Variants in BRWD1 observed in about 807,000 individuals in gnomAD.
BRWD1 encodes the protein bromodomain and WD repeat domain containing 1.
In BRWD1, 82 loss-of-function variants were observed where a neutral mutation model predicts 251.2. The observed-to-expected ratio is 0.33, with a 90% CI of 0.27 to 0.39. The LOEUF (loss-of-function observed/expected upper bound fraction) is 0.39. BRWD1 is among the 10% of genes least tolerant of loss of function. BRWD1 has a pLI of 1.00. For missense variants in BRWD1, 2,233 were observed against 2,711.6 expected (o/e 0.82, Z 3.92); for synonymous variants, 918 against 902.8 (o/e 1.02, Z -0.30).
chr21:39,319,608 G>C (rs2036729464), intron 1 of BRWD1, among the ~76,000 whole-genome samples: 1 of 152,164 alleles, frequency 6.6e-6, no homozygotes, highest in Non-Finnish European at 1.5e-5. Flanking sequence ...TTGTATGCTG[G>C]ACACTGTCCT....
At chr21:39,251,017 G>C (rs780484399) in intron 19 of BRWD1, 128 bp from the exon 20 acceptor site, 2 of 599,604 alleles carry the variant, frequency 3.3e-6, no homozygotes, top group Non-Finnish European at 5.6e-6. Flanking sequence ...CAAAATCTCT[G>C]AAGTTAAAAC....
chr21:39,194,848 A>C lies in BRWD1; in HGVS notation c.*1411T>G. The C allele has an allele frequency of 6.5e-7, 1 of 1,533,644 alleles. No homozygotes were observed. ...ATCTGCCACTTCAAAGATACACAGG[A>C]GAAAAGGGTTAATTTTGTCTGAAAT... On this transcript the variant is annotated 3_prime_UTR_variant, in exon 41 of 41. Coordinates refer to ENST00000342449, the MANE Select transcript of BRWD1 (RefSeq NM_033656.4).
rs2036592394 is a variant in BRWD1 at position 39,313,505 on chromosome 21, G to C, written c.-14C>G. The C allele has an allele frequency of 9.0e-6, 12 of 1,332,188 alleles. No individual in the cohort carries two copies. The South Asian group carries it at 2.4e-4, about 26-fold the overall frequency. 82.5% of individuals were successfully genotyped at this position (1,332,188 alleles called of 1,614,324 possible). On this transcript the variant is annotated 5_prime_UTR_variant, in exon 1 of 41. Transcript: ENST00000342449. Reference sequence around the variant, plus strand: ...CGGCTCCGCCATGGCCGGGCGCGGGGCGGGAGGCGGGAGCGAGCGAGCGAG... The same window carrying C: ...CGGCTCCGCCATGGCCGGGCGCGGGCCGGGAGGCGGGAGCGAGCGAGCGAG...
At chr21:39,297,876 A>G (rs1201928750) in intron 5 of BRWD1, 13 of 983,304 alleles carry the variant, frequency 1.3e-5, no homozygotes, top group African/African-American at 8.7e-5. Context: ...TCTAAGTCAT[A>G]TATACCAAGC....
At chr21:39,211,178 A>G (rs2032641004) in intron 34 of BRWD1, among the ~76,000 whole-genome samples, 1 of 152,228 alleles carries the variant, frequency 6.6e-6, no homozygotes, top group Non-Finnish European at 1.5e-5. Context: ...CACATTATCT[A>G]GTGAAAGGCT....
chr21:39,238,452 A>C (rs1255892116), intron 22 of BRWD1, 27 bp downstream of exon 22: 1 of 1,571,714 alleles, frequency 6.4e-7, no homozygotes, highest in African/African-American at 1.4e-5. Context: ...AAAATGCTTA[A>C]AAGACCACAA....
At chr21:39,230,324 A>T (rs1377137435) in intron 25 of BRWD1, among the ~76,000 whole-genome samples, 1 of 152,208 alleles carries the variant, frequency 6.6e-6, no homozygotes, top group African/African-American at 2.4e-5. Flanking sequence ...AATACAACAG[A>T]TCATTCATCC....
At chr21:39,199,689 A>G (rs766930010) in intron 39 of BRWD1, 27 bp from the exon 40 acceptor site, 1 of 1,526,982 alleles carries the variant, frequency 6.5e-7, no homozygotes, top group African/African-American at 1.4e-5. Flanking sequence ...CAATAAGATT[A>G]AAAAGATTTT....
chr21:39,230,495 A>G (rs2033568030), intron 25 of BRWD1, among the ~76,000 whole-genome samples: 1 of 152,210 alleles, frequency 6.6e-6, no homozygotes, highest in Admixed American at 6.5e-5. Context: ...TTCCTGCAAA[A>G]TTCTGGTCAC....
In BRWD1 at chr21:39,193,124, T is replaced by C. The variant is rs947399901; in HGVS notation, c.*3135A>G. The C allele has an allele frequency of 1.0e-6, 1 of 985,036 alleles. No individual in the cohort carries two copies. The highest frequency in any genetic ancestry group is 1.2e-6 in the Non-Finnish European group (1 of 829,732). 61.0% of individuals were successfully genotyped at this position (985,036 alleles called of 1,614,324 possible). On this transcript the variant is annotated 3_prime_UTR_variant, in exon 41 of 41. Transcript: ENST00000342449. ...TTCCCCTTTTCCATTTGCCCTTCTGTTTTGAAGTGCTTTTTCTTAAAACTT... is the reference window on the plus strand; with the variant it reads ...TTCCCCTTTTCCATTTGCCCTTCTGCTTTGAAGTGCTTTTTCTTAAAACTT...
chr21:39,307,874 G>C (rs971749838), intron 4 of BRWD1, among the ~76,000 whole-genome samples: 1 of 152,076 alleles, frequency 6.6e-6, no homozygotes, highest in African/African-American at 2.4e-5. Flanking sequence ...ATTCTGTATT[G>C]TCCTTGACTA....
chr21:39,243,738 CA>C lies in BRWD1; in HGVS notation c.2481+3962del, dbSNP rs1568907578. Among the ~76,000 whole-genome samples the C allele has an allele frequency of 2.0e-5, 3 of 152,174 alleles. No homozygotes were observed. In the East Asian group the frequency reaches 5.8e-4, roughly 29 times the overall value. On this transcript the variant is annotated intron_variant, in intron 21 of 40. Coordinates refer to ENST00000342449, the MANE Select transcript of BRWD1 (RefSeq NM_033656.4). ...AGTGCTGAGAATTACAGGCATGAGA[CA>C]CTGCACCCAGCCTGATTTTGATAAT...
rs759356813 is a variant in BRWD1, at chr21:39,232,517, C to A, written c.2767-19G>T. ...GCAAATTCTACCAAGGGGAAGAGAA[C>A]AAAGTTTCTTAGATTAGAAAGGGGC... On this transcript the variant is annotated intron_variant, in intron 23 of 40. Coordinates refer to ENST00000342449, the MANE Select transcript of BRWD1 (RefSeq NM_033656.4). 3 of 1,579,514 alleles carry A rather than the reference C, an allele frequency of 1.9e-6. No individual in the cohort carries two copies. Among genetic ancestry groups the A allele is most frequent in the Admixed American group, 4.2e-5 (2 of 47,100 alleles).
In BRWD1 at chr21:39,295,855, G is replaced by A. The variant is rs2035948566; in HGVS notation, c.497C>T (p.Thr166Ile). The A allele has an allele frequency of 8.1e-6, 13 of 1,606,930 alleles. No individual in the cohort carries two copies. Among genetic ancestry groups the A allele is most frequent in the Non-Finnish European group, 1.0e-5 (12 of 1,175,804 alleles). Residue 166 changes from threonine (T) to isoleucine (I), a missense_variant, in exon 7 of 41, where the codon ACA becomes ATA. This residue lies in a region of BRWD1 where 185 missense variants were observed against 260.6 expected (regional missense o/e 0.71). Coordinates refer to ENST00000342449, the MANE Select transcript of BRWD1 (RefSeq NM_033656.4). ...KQLTGCSTFSTAFPGTMYQHI... is the reference protein window; with the variant it reads ...KQLTGCSTFSIAFPGTMYQHI... Reference sequence around the variant, plus strand: ...CTGATACATAGTTCCTGGAAATGCTGTACTAAAAGTGGAACACCCTGTGAG... The same window carrying A: ...CTGATACATAGTTCCTGGAAATGCTATACTAAAAGTGGAACACCCTGTGAG...
chr21:39,313,515 GGAGCGAGC>G lies in BRWD1; in HGVS notation c.-32_-25del, dbSNP rs926696658. 1.5e-4 allele frequency: 197 copies of G among 1,329,760 alleles called. 2 individuals are homozygous for G. The highest frequency in any genetic ancestry group is 1.7e-4 in the Non-Finnish European group (178 of 1,046,634). 82.4% of individuals were successfully genotyped at this position (1,329,760 alleles called of 1,614,324 possible). On this transcript the variant is annotated 5_prime_UTR_variant, in exon 1 of 41. Coordinates refer to ENST00000342449, the MANE Select transcript of BRWD1 (RefSeq NM_033656.4). The stretch of plus-strand genomic sequence containing the variant: ...ATGGCCGGGCGCGGGGCGGGAGGCG[GGAGCGAGC>G]GAGCGAGCGGAGCGTGTAGGCCGCG...
At chr21:39,286,807 C>G (rs908666746) in intron 8 of BRWD1, among the ~76,000 whole-genome samples, 1 of 152,162 alleles carries the variant, frequency 6.6e-6, no homozygotes, top group African/African-American at 2.4e-5. Context: ...AGCCACTGCG[C>G]CCGGCCCATT....
intron 8 of BRWD1, among the ~76,000 whole-genome samples, 171 bp from the exon 9 acceptor site, chr21:39,280,419 A>T (rs1568946399): frequency 6.6e-6 from 1 of 152,206 alleles, no homozygotes; most frequent in African/African-American, 2.4e-5. Context: ...ACATTCATTT[A>T]TATGTAATAT....
At chr21:39,275,981 G>A (rs188642398) in intron 12 of BRWD1, among the ~76,000 whole-genome samples, 192 bp downstream of exon 12, 6 of 151,974 alleles carry the variant, frequency 3.9e-5, no homozygotes, top group Admixed American at 3.3e-4. Flanking sequence ...GCAGTGAGCC[G>A]AGATTGTGCC....
In BRWD1 at chr21:39,199,528, T is replaced by C; in HGVS notation, c.4888A>G (p.Arg1630Gly). ...ARAGNNRKVL[R>G]KCAAVAANKI... ...TTGGCAGCCACAGCAGCACACTTCC[T>C]TAAGACTTTTCGGTTATTTCCAGCT... Residue 1630 changes from arginine (R) to glycine (G), a missense_variant, in exon 40 of 41, where the codon AGG becomes GGG. Coordinates refer to ENST00000342449, the MANE Select transcript of BRWD1 (RefSeq NM_033656.4). 6.2e-7 allele frequency: 1 copy of C among 1,614,214 alleles called. No homozygotes were observed. Among genetic ancestry groups the C allele is most frequent in the Non-Finnish European group, 8.5e-7 (1 of 1,180,034 alleles).
Sources: allele counts gnomAD v4.1 joint callset (sites outside exome capture counted in the v4.1 genomes callset), GRCh38; gene constraint gnomAD v4.1.1; regional missense constraint gnomAD v4.1.1; transcripts MANE v1.5; gene names NCBI Gene and HGNC (gene_info 2026-07-23, HGNC 2026-07-21).